Variants in RPL31 observed in about 807,000 individuals in gnomAD.
RPL31 encodes the protein ribosomal protein L31.
For synonymous variants in RPL31, 51 were observed against 55.0 expected (o/e 0.93, Z 0.32); for missense variants, 95 against 164.0 (o/e 0.58, Z 2.30).
rs1412735131 is a variant in RPL31 at position 101,002,531 on chromosome 2, C to T, written c.1-171C>T. The T allele has an allele frequency of 9.6e-6, 6 of 627,322 alleles. No individual in the cohort carries two copies. In the East Asian group the frequency reaches 1.7e-4, roughly 17 times the overall value. The allele number at this position is 627,322 out of a possible 1,614,324, so 38.9% of individuals were successfully genotyped here. A position where few individuals can be genotyped will look rare whatever the true frequency, so the allele number is the denominator to read the frequency against. On this transcript the variant is annotated intron_variant, in intron 1 of 4. Coordinates refer to ENST00000264258, the MANE Select transcript of RPL31 (RefSeq NM_000993.5). ...GCGGCAGGGATTTCCGGGTCGGAGG[C>T]ATCTGAGGGGCGCAGGGGCGCGGGT...
chr2:101,012,604 C>T (rs575813398), intron 4 of RPL31, among the ~76,000 whole-genome samples: 209 of 147,972 alleles, frequency 1.4e-3, no homozygotes, highest in African/African-American at 4.9e-3. Context: ...TTGTGGTGAT[C>T]GCTGCACAAC....
downstream of RPL31, among the ~76,000 whole-genome samples, chr2:101,010,073 G>T (rs148356916): frequency 3.2e-4 from 49 of 151,876 alleles, no homozygotes; most frequent in South Asian, 8.1e-3. Flanking sequence ...TAATCCACCC[G>T]CCTCGGCCTC....
chr2:101,008,986 C>T (rs1678964979), downstream of RPL31, among the ~76,000 whole-genome samples: 1 of 152,126 alleles, frequency 6.6e-6, no homozygotes, highest in South Asian at 2.1e-4. Flanking sequence ...AAGAGTGATG[C>T]CTGTTGTTTT....
Position 101,004,228 on chromosome 2 carries a change from C to T in RPL31, c.178C>T (p.Pro60Ser). The change falls in exon 3 of 5, where the codon CCA (proline) becomes TCA (serine). Residue 60 changes from proline (P) to serine (S), a missense_variant. By Grantham distance (74) the Pro-to-Ser change is moderately conservative (BLOSUM62 -1). Transcript: ENST00000264258. ...RKFAMKEMGT[P>S]DVRIDTRLNK... ...ATTTGCCATGAAGGAGATGGGAACT[C>T]CAGATGTGCGCATTGACACCAGGCT... 1.2e-6 allele frequency: 2 copies of T among 1,614,058 alleles called. No homozygotes were observed.
At chr2:101,006,151 A>G in intron 4 of RPL31, 80 bp downstream of exon 4, 2 of 1,558,084 alleles carry the variant, frequency 1.3e-6, no homozygotes, top group Admixed American at 2.0e-5. Context: ...TCATCTGTTA[A>G]GCTAGGGGTG....
chr2:101,015,770 A>G (rs1679584758), intron 4 of RPL31, among the ~76,000 whole-genome samples: 1 of 152,342 alleles, frequency 6.6e-6, no homozygotes, highest in Middle Eastern at 3.4e-3. Context: ...ACAACGCCGC[A>G]TATCCACAAC....
intron 2 of RPL31, 37 bp from the exon 3 acceptor site, chr2:101,004,121 T>C: frequency 6.2e-7 from 1 of 1,600,362 alleles, no homozygotes; most frequent in South Asian, 1.1e-5. Flanking sequence ...TTTAGTTTTG[T>C]GCTCCTTTAA....
At chr2:101,010,045 C>T (rs1046812596), downstream of RPL31, among the ~76,000 whole-genome samples, 2 of 151,834 alleles carry the variant, frequency 1.3e-5, no homozygotes, top group East Asian at 3.9e-4. Context: ...CCAGGATGGT[C>T]TCAATCTTCT....
At position 101,006,850 on chromosome 2, in the gene RPL31, T is replaced by C. The variant is rs1678762548; in HGVS notation, c.*469T>C. Reference sequence around the variant, plus strand: ...TGAGTATAGTTGTTGTCTTCTAAAATAATTAATTGATTTTTGGTGAGATAA... The same window carrying C: ...TGAGTATAGTTGTTGTCTTCTAAAACAATTAATTGATTTTTGGTGAGATAA... On this transcript the variant is annotated 3_prime_UTR_variant, in exon 5 of 5. Transcript: ENST00000264258. The C allele has an allele frequency of 6.5e-6, 1 of 153,178 alleles. No homozygotes were observed. The highest frequency in any genetic ancestry group is 2.4e-5 in the African/African-American group (1 of 41,480). The allele number at this position is 153,178 out of a possible 1,614,324, so 9.5% of individuals were successfully genotyped here.
intron 1 of RPL31, 103 bp from the exon 2 acceptor site, chr2:101,002,599 A>G: frequency 1.0e-6 from 1 of 968,858 alleles, no homozygotes; most frequent in Non-Finnish European, 1.6e-6. Context: ...CCAGACTCTC[A>G]GCACCTGGAA....
At chr2:101,012,511 C>A (rs554104699) in intron 4 of RPL31, among the ~76,000 whole-genome samples, 1 of 151,882 alleles carries the variant, frequency 6.6e-6, no homozygotes, top group Admixed American at 6.6e-5. Context: ...AAGCTGCCTA[C>A]GGCTGGGGAA....
downstream of RPL31, chr2:101,010,918 A>T: frequency 6.2e-7 from 1 of 1,606,718 alleles, no homozygotes; most frequent in South Asian, 1.1e-5. Flanking sequence ...TGCACTGAAG[A>T]AAGTCCATAC....
downstream of RPL31, among the ~76,000 whole-genome samples, chr2:101,010,064 A>G (rs1189188421): frequency 6.6e-6 from 1 of 151,856 alleles, no homozygotes; most frequent in African/African-American, 2.4e-5. Flanking sequence ...CTGACCTCGT[A>G]ATCCACCCGC....
At chr2:101,011,643 C>A, downstream of RPL31, 1 of 1,215,986 alleles carries the variant, frequency 8.2e-7, no homozygotes, top group Non-Finnish European at 1.2e-6. Context: ...CAGCAGCTCC[C>A]AGCCTGTGGA....
downstream of RPL31, chr2:101,008,069 C>T: frequency 6.2e-7 from 1 of 1,613,996 alleles, no homozygotes; most frequent in Non-Finnish European, 8.5e-7. Flanking sequence ...TCTGCAAAAA[C>T]CGAGTCCTCA....
downstream of RPL31, among the ~76,000 whole-genome samples, chr2:101,009,081 T>G (rs1014771966): frequency 5.3e-5 from 8 of 151,980 alleles, no homozygotes; most frequent in African/African-American, 1.9e-4. Flanking sequence ...AGCTACACAA[T>G]TACTCCAAGA....
At chr2:101,015,966 AACCCTAGAAGAAAACCTAGGC>A (rs1481932767) in intron 4 of RPL31, among the ~76,000 whole-genome samples, 1 of 151,914 alleles carries the variant, frequency 6.6e-6, no homozygotes, top group African/African-American at 2.4e-5. Context: ...AAACCATAAA[AACCCTAGAAGAAAACCTAGGC>A]ATTACCATTC....
chr2:101,006,834 T>A lies in RPL31; in HGVS notation c.*453T>A, dbSNP rs1678761432. 6.5e-6 allele frequency: 1 copy of A among 154,194 alleles called. No individual in the cohort carries two copies. Among genetic ancestry groups the A allele is most frequent in the African/African-American group, 2.4e-5 (1 of 41,532 alleles). The allele number at this position is 154,194 out of a possible 1,614,324, so 9.6% of individuals were successfully genotyped here. ...CTGCCTACATCCATATTGAGTATAG[T>A]TGTTGTCTTCTAAAATAATTAATTG... On this transcript the variant is annotated 3_prime_UTR_variant, in exon 5 of 5. Transcript: ENST00000264258.
intron 1 of RPL31, 72 bp from the exon 2 acceptor site, chr2:101,002,630 T>C: frequency 7.9e-7 from 1 of 1,272,490 alleles, no homozygotes. Context: ...AGTGACAGCG[T>C]GAGGCTGGGA....
Sources: allele counts gnomAD v4.1 joint callset (sites outside exome capture counted in the v4.1 genomes callset), GRCh38; gene constraint gnomAD v4.1.1; transcripts MANE v1.5; gene names NCBI Gene and HGNC (gene_info 2026-07-23, HGNC 2026-07-21).